Variants in GNL2 observed in about 807,000 individuals in gnomAD.
GNL2 encodes the protein nucleolar GTP-binding protein 2.
In GNL2, 51 loss-of-function variants were observed where a neutral mutation model predicts 92.3. The observed-to-expected ratio is 0.55, with a 90% CI of 0.44 to 0.70. The LOEUF (loss-of-function observed/expected upper bound fraction) is 0.70, where lower values mean the gene tolerates loss of function less well. Among genes scored for constraint, GNL2 ranks in the 30% least tolerant of loss-of-function variants. The pLI is 0.00. For synonymous variants in GNL2, 283 were observed against 300.6 expected (o/e 0.94, Z 0.61); for missense variants, 844 against 895.6 (o/e 0.94, Z 0.74).
chr1:37,576,190 A>C, intron 9 of GNL2: 2 of 440,906 alleles, frequency 4.5e-6, no homozygotes, highest in Non-Finnish European at 8.1e-6. Context: ...AAACAGATCT[A>C]AATATGAATC....
chr1:37,583,781 GC>G, intron 6 of GNL2, 85 bp downstream of exon 6: 1 of 818,702 alleles, frequency 1.2e-6, no homozygotes, highest in East Asian at 2.4e-5. Context: ...GCGCAACAGA[GC>G]TTCAATATAT....
rs139496252 is a variant in GNL2 at position 37,590,746 on chromosome 1, T to C, written c.344A>G (p.Lys115Arg). 7 of 1,613,330 alleles carry C rather than the reference T, an allele frequency of 4.3e-6. No individual in the cohort carries two copies. The highest frequency in any genetic ancestry group is 1.3e-5 in the African/African-American group (1 of 74,944). The change falls in exon 4 of 16, where the codon AAG (lysine) becomes AGG (arginine). Residue 115 changes from lysine (K) to arginine (R), a missense_variant. By Grantham distance (26) the Lys-to-Arg change is conservative (BLOSUM62 2). Transcript: ENST00000373062. ...DPYKVVMKQS[K>R]LPMSLLHDRI... is the part of the protein sequence containing the mutation. The stretch of plus-strand genomic sequence containing the variant: ...ATCATGGAGAAGAGACATTGGTAAC[T>C]TGCTTTGCTTCATGACAACTTTGTA...
intron 15 of GNL2, among the ~76,000 whole-genome samples, chr1:37,567,359 TC>T (rs1643520999): frequency 6.6e-6 from 1 of 152,216 alleles, no homozygotes. Flanking sequence ...TCCAAAGCTG[TC>T]CTTCACAGAA....
intron 4 of GNL2, among the ~76,000 whole-genome samples, chr1:37,589,373 C>T (rs1166464133): frequency 2.6e-5 from 4 of 152,236 alleles, no homozygotes; most frequent in African/African-American, 4.8e-5. Flanking sequence ...GGCGCAATCT[C>T]GGCTCACTGC....
chr1:37,577,575 G>A (rs1010888077), intron 8 of GNL2, among the ~76,000 whole-genome samples: 5 of 152,162 alleles, frequency 3.3e-5, no homozygotes, highest in Non-Finnish European at 7.3e-5. Flanking sequence ...AATACTAGAT[G>A]CTTAAAAGTA....
At chr1:37,578,904 T>C (rs1179802040) in intron 8 of GNL2, among the ~76,000 whole-genome samples, 2 of 152,110 alleles carry the variant, frequency 1.3e-5, no homozygotes, top group Non-Finnish European at 2.9e-5. Context: ...AGAATAAACA[T>C]TTAAGTTGAC....
At chr1:37,574,243 G>A in intron 12 of GNL2, 100 bp downstream of exon 12, 1 of 582,352 alleles carries the variant, frequency 1.7e-6, no homozygotes, top group Non-Finnish European at 3.0e-6. Context: ...AGACACCGCA[G>A]CTGAATGAAT....
In GNL2 at chr1:37,595,752, CCT is replaced by C. The variant is rs757744105; in HGVS notation, c.64+5_64+6del. 24 of 1,613,710 alleles carry C rather than the reference CCT, an allele frequency of 1.5e-5. No homozygotes were observed. The South Asian group carries it at 2.6e-4, about 18-fold the overall frequency. On this transcript the variant is annotated splice_donor_5th_base_variant and intron_variant, in intron 1 of 15. Transcript: ENST00000373062. ...GCTCCACCCTCGATCAGCCCTGCCG[CCT>C]GTACCTGGGTTTGTGCTGGCCTTGG...
chr1:37,579,579 G>A (rs1643732612), intron 8 of GNL2, among the ~76,000 whole-genome samples: 1 of 149,516 alleles, frequency 6.7e-6, no homozygotes, highest in African/African-American at 2.5e-5. Context: ...GAAAATAGAG[G>A]AAAATGTCAT....
chr1:37,587,636 A>C lies in GNL2; in HGVS notation c.385-141T>G, dbSNP rs181263828. 31 of 524,298 alleles carry C rather than the reference A, an allele frequency of 5.9e-5. No homozygotes were observed. In the Admixed American group the frequency reaches 7.8e-4, roughly 13 times the overall value. The allele number at this position is 524,298 out of a possible 1,614,324, so 32.5% of individuals were successfully genotyped here. A position where few individuals can be genotyped will look rare whatever the true frequency, so the allele number is the denominator to read the frequency against. ...ACCCAAATCTGTAAGACATGGTTTC[A>C]GTCTGGTTTCAAATCAGAATTACTT... On this transcript the variant is annotated intron_variant, in intron 4 of 15. Coordinates refer to ENST00000373062, the MANE Select transcript of GNL2 (RefSeq NM_013285.3).
intron 12 of GNL2, 113 bp downstream of exon 12, chr1:37,574,230 G>T: frequency 2.0e-6 from 1 of 512,812 alleles, no homozygotes. Flanking sequence ...ATAATAAAAT[G>T]AGAGACACCG....
chr1:37,593,149 G>A (rs979556331), intron 2 of GNL2, among the ~76,000 whole-genome samples: 1 of 151,954 alleles, frequency 6.6e-6, no homozygotes, highest in African/African-American at 2.4e-5. Context: ...AATTTTTCAC[G>A]TAGAGGGTGA....
Position 37,569,313 on chromosome 1 carries a change from G to A in GNL2, c.1417-11C>T. On this transcript the variant is annotated splice_polypyrimidine_tract_variant and intron_variant, in intron 12 of 15. Coordinates refer to ENST00000373062, the MANE Select transcript of GNL2 (RefSeq NM_013285.3). Reference sequence around the variant, plus strand: ...TGAGGAGGGTAGAAGCTATTAAGGGGTGGAAATGGGGGAAATAAATAGAAT... The same window carrying A: ...TGAGGAGGGTAGAAGCTATTAAGGGATGGAAATGGGGGAAATAAATAGAAT... 6.5e-7 allele frequency: 1 copy of A among 1,536,264 alleles called. No homozygotes were observed. Among genetic ancestry groups the A allele is most frequent in the South Asian group, 1.1e-5 (1 of 87,170 alleles).
At chr1:37,584,000 A>G (rs1012221874) in intron 5 of GNL2, 67 bp from the exon 6 acceptor site, 44 of 914,372 alleles carry the variant, frequency 4.8e-5, no homozygotes, top group Non-Finnish European at 7.9e-5. Context: ...GCTTTAGGGT[A>G]AAGTCAATGT....
In GNL2 at chr1:37,584,851, G is replaced by A. The variant is rs539649504; in HGVS notation, c.570-918C>T. ...TAATCCCAGCACTTTGGGAGGCTGA[G>A]GCAGTGGATCATAAGGCCAGGAGTT... On this transcript the variant is annotated intron_variant, in intron 5 of 15. Coordinates refer to ENST00000373062, the MANE Select transcript of GNL2 (RefSeq NM_013285.3). 4.6e-5 allele frequency among the ~76,000 whole-genome samples: 7 copies of A among 152,114 alleles called. No homozygotes were observed. In the South Asian group the frequency reaches 1.2e-3, roughly 27 times the overall value.
intron 15 of GNL2, 60 bp from the exon 16 acceptor site, chr1:37,567,067 A>G (rs1465858536): frequency 3.9e-6 from 6 of 1,536,094 alleles, no homozygotes; most frequent in Non-Finnish European, 4.5e-6. Flanking sequence ...AAAGTCATTC[A>G]CAAAACAGGA....
intron 5 of GNL2, among the ~76,000 whole-genome samples, chr1:37,584,436 G>C (rs944084193): frequency 5.2e-5 from 7 of 135,734 alleles, no homozygotes; most frequent in Non-Finnish European, 9.3e-5. Flanking sequence ...GACAGAGCAA[G>C]ACCCTGTCTC....
In GNL2 at chr1:37,569,484, C is replaced by CA. The variant is rs1643562957; in HGVS notation, c.1417-183dup. On this transcript the variant is annotated intron_variant, in intron 12 of 15. Coordinates refer to ENST00000373062, the MANE Select transcript of GNL2 (RefSeq NM_013285.3). ...ACCAATGTACATTAAGCCCAGAGAT[C>CA]AGTACTAGGATCAAAGGAATACATG... 7 of 587,978 alleles carry CA rather than the reference C, an allele frequency of 1.2e-5. No individual in the cohort carries two copies. The South Asian group carries it at 1.5e-4, about 12-fold the overall frequency. 36.4% of individuals were successfully genotyped at this position (587,978 alleles called of 1,614,324 possible). A position where few individuals can be genotyped will look rare whatever the true frequency, so the allele number is the denominator to read the frequency against.
At chr1:37,593,542 T>C in intron 2 of GNL2, 2 of 485,788 alleles carry the variant, frequency 4.1e-6, no homozygotes, top group Non-Finnish European at 3.7e-6. Context: ...ACCTCTACTT[T>C]TGAGTATTGT....
Sources: gnomAD v4.1 joint callset for allele counts (sites outside exome capture counted in the v4.1 genomes callset) on GRCh38, gnomAD v4.1.1 for gene constraint, MANE v1.5 for transcripts, NCBI Gene and HGNC (gene_info 2026-07-23, HGNC 2026-07-21) for gene names.